Variants in TMEM178B observed in about 807,000 individuals in gnomAD.
TMEM178B encodes the protein transmembrane protein 178B.
In TMEM178B, 5 loss-of-function variants were observed where a neutral mutation model predicts 31.0. The ratio of observed to expected loss-of-function variants is 0.16; its 90% CI spans 0.08 to 0.34. The LOEUF (loss-of-function observed/expected upper bound fraction) is 0.34. TMEM178B is among the 10% of genes least tolerant of loss of function. TMEM178B has a pLI of 1.00. For synonymous variants in TMEM178B, 164 were observed against 164.0 expected (o/e 1.00, Z 0.00); for missense variants, 275 against 400.3 (o/e 0.69, Z 2.67).
intron 3 of TMEM178B, among the ~76,000 whole-genome samples, chr7:141,460,057 T>G (rs1802035011): frequency 6.6e-6 from 1 of 152,244 alleles, no homozygotes; most frequent in Admixed American, 6.5e-5. Context: ...ACACAGATAT[T>G]CTTATTTCAT....
chr7:141,246,972 A>C (rs181955047), intron 2 of TMEM178B, among the ~76,000 whole-genome samples: 32 of 152,212 alleles, frequency 2.1e-4, no homozygotes, highest in Admixed American at 2.0e-3. Flanking sequence ...TTCTTTGTAG[A>C]TCATCTCTGC....
At chr7:141,428,832 C>T (rs1801369371) in intron 2 of TMEM178B, among the ~76,000 whole-genome samples, 1 of 152,214 alleles carries the variant, frequency 6.6e-6, no homozygotes, top group African/African-American at 2.4e-5. Context: ...ACTCTCACTC[C>T]TGTTCTAAAA....
chr7:141,347,525 A>G (rs1448768128), intron 2 of TMEM178B, among the ~76,000 whole-genome samples: 2 of 152,258 alleles, frequency 1.3e-5, no homozygotes, highest in South Asian at 2.1e-4. Flanking sequence ...TAGGAGCCAC[A>G]TTGTGCAAAA....
At chr7:141,488,378 A>G in the TMEM178B span, among the ~76,000 whole-genome samples, 1 of 152,182 alleles carries the variant, frequency 6.6e-6, no homozygotes, top group Admixed American at 6.5e-5. Context: ...GCTATTTTGG[A>G]GGCCAAGTGT....
chr7:141,175,850 A>T (rs1296462348), intron 1 of TMEM178B, among the ~76,000 whole-genome samples: 2 of 152,116 alleles, frequency 1.3e-5, no homozygotes, highest in Admixed American at 1.3e-4. Flanking sequence ...GCTTAAGGAG[A>T]TATTGGGCTA....
At chr7:141,481,779 G>A (rs995990056), downstream of TMEM178B, among the ~76,000 whole-genome samples, 1 of 152,176 alleles carries the variant, frequency 6.6e-6, no homozygotes, top group African/African-American at 2.4e-5. Context: ...ATGTCCCTTA[G>A]AAGAGAGAAA....
chr7:141,079,320 T>C (rs1011901810), intron 1 of TMEM178B, among the ~76,000 whole-genome samples: 14 of 152,128 alleles, frequency 9.2e-5, no homozygotes, highest in African/African-American at 3.4e-4. Context: ...TTTCCGTAGT[T>C]GTATTGGCCA....
At chr7:141,350,246 C>T (rs1398977467) in intron 2 of TMEM178B, among the ~76,000 whole-genome samples, 1 of 152,122 alleles carries the variant, frequency 6.6e-6, no homozygotes, top group Non-Finnish European at 1.5e-5. Flanking sequence ...CCTTCCTTCA[C>T]CAATGAGGCC....
At chr7:141,371,170 C>G (rs896132995) in intron 2 of TMEM178B, among the ~76,000 whole-genome samples, 15 of 152,252 alleles carry the variant, frequency 9.9e-5, no homozygotes, top group African/African-American at 3.6e-4. Flanking sequence ...ATTTGGTCCC[C>G]AATATTAGAG....
chr7:141,105,135 C>G (rs1162307240), intron 1 of TMEM178B, among the ~76,000 whole-genome samples: 2 of 152,134 alleles, frequency 1.3e-5, no homozygotes, highest in African/African-American at 2.4e-5. Flanking sequence ...GCAGGGGTCA[C>G]TGTGGGAAAA....
At chr7:141,334,397 T>G (rs1211013008) in intron 2 of TMEM178B, among the ~76,000 whole-genome samples, 2 of 152,228 alleles carry the variant, frequency 1.3e-5, no homozygotes, top group African/African-American at 2.4e-5. Flanking sequence ...GTGAGTCTGG[T>G]ACTACGTTTG....
chr7:141,297,464 G>A (rs535313576), intron 2 of TMEM178B, among the ~76,000 whole-genome samples: 8 of 151,996 alleles, frequency 5.3e-5, no homozygotes, highest in South Asian at 2.1e-4. Flanking sequence ...CCATTAACTC[G>A]TCATTTACAT....
intron 1 of TMEM178B, among the ~76,000 whole-genome samples, chr7:141,153,194 A>AT (rs1003470997): frequency 2.0e-5 from 3 of 152,064 alleles, no homozygotes; most frequent in Non-Finnish European, 4.4e-5. Context: ...CCACATGTGT[A>AT]TTTTTTTTAA....
chr7:141,357,180 C>G (rs1178737848), intron 2 of TMEM178B, among the ~76,000 whole-genome samples: 3 of 152,190 alleles, frequency 2.0e-5, no homozygotes, highest in Non-Finnish European at 4.4e-5. Context: ...TAAGTTGCCT[C>G]AAGCTCTTCT....
intron 1 of TMEM178B, among the ~76,000 whole-genome samples, chr7:141,189,560 G>A (rs1342734351): frequency 6.6e-6 from 1 of 152,196 alleles, no homozygotes; most frequent in Non-Finnish European, 1.5e-5. Flanking sequence ...TGACTGAAGC[G>A]GTCATCACAG....
chr7:141,259,183 G>T (rs978277653), intron 2 of TMEM178B, among the ~76,000 whole-genome samples: 11 of 151,908 alleles, frequency 7.2e-5, no homozygotes, highest in African/African-American at 2.7e-4. Flanking sequence ...GATTTCTATT[G>T]TCCTATCTTC....
chr7:141,346,274 A>G (rs979772482), intron 2 of TMEM178B, among the ~76,000 whole-genome samples: 3 of 152,148 alleles, frequency 2.0e-5, no homozygotes, highest in Admixed American at 2.0e-4. Flanking sequence ...CTTTACCCAA[A>G]TAGATGAATA....
At position 141,313,650 on chromosome 7, in the gene TMEM178B, T is replaced by C. The variant is rs754157584; in HGVS notation, c.496+100946T>C. Reference sequence around the variant, plus strand: ...ACTGTATGCCCTTGGCTAAACGCTTTGCTTCCTTCTCTGTGTTTTGGCTGC... The same window carrying C: ...ACTGTATGCCCTTGGCTAAACGCTTCGCTTCCTTCTCTGTGTTTTGGCTGC... On this transcript the variant is annotated intron_variant, in intron 2 of 3. Transcript: ENST00000565468. 5.1e-4 allele frequency among the ~76,000 whole-genome samples: 78 copies of C among 152,168 alleles called. 2 individuals carry two copies. The highest frequency in any genetic ancestry group is 1.2e-4 in the Non-Finnish European group (8 of 68,028).
intron 1 of TMEM178B, among the ~76,000 whole-genome samples, chr7:141,182,364 G>A (rs182698118): frequency 6.6e-6 from 1 of 152,212 alleles, no homozygotes; most frequent in Non-Finnish European, 1.5e-5. Context: ...AGAAGTTATT[G>A]TGTGTTAAGG....
Sources: allele counts gnomAD v4.1 joint callset (sites outside exome capture counted in the v4.1 genomes callset), GRCh38; gene constraint gnomAD v4.1.1; transcripts MANE v1.5; gene names NCBI Gene and HGNC (gene_info 2026-07-23, HGNC 2026-07-21).